GALNTL6: variants seen among roughly 807,000 people sequenced by gnomAD.
The protein encoded by GALNTL6 is polypeptide N-acetylgalactosaminyltransferase like 6, also known as polypeptide N-acetylgalactosaminyltransferase-like 6.
GALNTL6 carries 46 observed loss-of-function variants against 73.7 expected under a neutral mutation model. The observed-to-expected ratio is 0.62, with a 90% confidence interval of 0.49 to 0.80. The LOEUF (loss-of-function observed/expected upper bound fraction) is 0.80. Ranked by LOEUF, GALNTL6 falls within the 30% of genes least tolerant of loss-of-function variation. GALNTL6 has a pLI of 0.00. For synonymous variants in GALNTL6, 259 were observed against 263.7 expected (o/e 0.98, Z 0.17); for missense variants, 604 against 755.0 (o/e 0.80, Z 2.34).
intron 2 of GALNTL6, among the ~76,000 whole-genome samples, chr4:172,172,889 C>G (rs1476188753): frequency 3.3e-5 from 5 of 152,160 alleles, no homozygotes. Context: ...TTTTAATAAG[C>G]AATGTTGAAC....
chr4:172,826,326 C>T (rs988120988), intron 7 of GALNTL6, among the ~76,000 whole-genome samples: 20 of 152,222 alleles, frequency 1.3e-4, no homozygotes, highest in African/African-American at 3.1e-4. Flanking sequence ...GCAGCACCTG[C>T]GGACAGGCAG....
At chr4:172,339,932 A>G (rs949071527) in intron 4 of GALNTL6, among the ~76,000 whole-genome samples, 3 of 151,954 alleles carry the variant, frequency 2.0e-5, no homozygotes, top group Non-Finnish European at 4.4e-5. Flanking sequence ...ATCTTTATGC[A>G]CTGTTTTGCT....
intron 5 of GALNTL6, among the ~76,000 whole-genome samples, chr4:172,537,106 C>T (rs984268360): frequency 2.0e-5 from 3 of 152,186 alleles, no homozygotes; most frequent in African/African-American, 7.2e-5. Context: ...GTGGAAGGGA[C>T]TTGCCTCATC....
intron 5 of GALNTL6, among the ~76,000 whole-genome samples, chr4:172,701,501 A>G (rs1298535218): frequency 6.6e-6 from 1 of 152,120 alleles, no homozygotes; most frequent in African/African-American, 2.4e-5. Context: ...TCTTGCCATC[A>G]AGGCAGTCTT....
intron 5 of GALNTL6, among the ~76,000 whole-genome samples, chr4:172,749,071 T>C (rs140581121): frequency 1.2e-4 from 17 of 147,700 alleles, no homozygotes; most frequent in Middle Eastern, 6.8e-3. Flanking sequence ...ACCAGGCTAA[T>C]TTTTGTTGTT....
chr4:171,999,931 A>T (rs116540780), intron 2 of GALNTL6, among the ~76,000 whole-genome samples: 1,672 of 152,286 alleles, frequency 0.011, 23 homozygotes, highest in African/African-American at 0.036. Flanking sequence ...AAGAGATTGT[A>T]TTTTCATCAC....
chr4:172,476,063 A>G (rs912502775), intron 5 of GALNTL6, among the ~76,000 whole-genome samples: 1 of 152,240 alleles, frequency 6.6e-6, no homozygotes, highest in African/African-American at 2.4e-5. Context: ...GACTGCACCT[A>G]TCTGATATCC....
intron 3 of GALNTL6, among the ~76,000 whole-genome samples, chr4:172,236,150 AC>A (rs1260286265): frequency 6.6e-6 from 1 of 152,220 alleles, no homozygotes; most frequent in Non-Finnish European, 1.5e-5. Flanking sequence ...CCAGTGTTTC[AC>A]ATTGTATTTG....
rs1028819117 is a variant in GALNTL6, at chr4:173,023,671, CA to C, written c.1638+2055del. ...GAGCGAAACTCCATCCCAAAAAAAG[CA>C]AAAAAAAATCAGTTGTTATATCCTT... On this transcript the variant is annotated intron_variant, in intron 12 of 12. Transcript: ENST00000506823. Among the ~76,000 whole-genome samples, 28 of 148,578 alleles carry C rather than the reference CA, an allele frequency of 1.9e-4. 1 individual carries two copies. The highest frequency in any genetic ancestry group is 7.5e-5 in the Non-Finnish European group (5 of 66,974).
chr4:172,684,047 T>C (rs1372891215), intron 5 of GALNTL6, among the ~76,000 whole-genome samples: 1 of 152,204 alleles, frequency 6.6e-6, no homozygotes, highest in African/African-American at 2.4e-5. Flanking sequence ...CTATAAAGGA[T>C]AGATCGCTGT....
At chr4:173,016,227 A>G (rs973559177) in intron 11 of GALNTL6, among the ~76,000 whole-genome samples, 1 of 152,206 alleles carries the variant, frequency 6.6e-6, no homozygotes, top group Non-Finnish European at 1.5e-5. Flanking sequence ...CAGAAGGGAA[A>G]TGTGGGGTTG....
At chr4:172,022,752 C>G (rs1183369818) in intron 2 of GALNTL6, among the ~76,000 whole-genome samples, 6 of 152,040 alleles carry the variant, frequency 3.9e-5, no homozygotes, top group Middle Eastern at 3.4e-3. Flanking sequence ...TCTGACTCCT[C>G]TCATGTCTAG....
rs190363422 is a variant in GALNTL6, at chr4:172,783,015, A to G, written c.554-26346A>G. Among the ~76,000 whole-genome samples, 373 of 152,136 alleles carry G rather than the reference A, an allele frequency of 2.5e-3. 3 individuals are homozygous for G. Among genetic ancestry groups the G allele is most frequent in the African/African-American group, 8.7e-3 (362 of 41,510 alleles). On this transcript the variant is annotated intron_variant, in intron 5 of 12. Transcript: ENST00000506823. The stretch of plus-strand genomic sequence containing the variant: ...AGTTACAAATTAGTGGTGATCAGCT[A>G]AAGTGTGTCTTATTTGTAAAACACT...
chr4:172,227,637 C>T (rs950914159), intron 2 of GALNTL6, among the ~76,000 whole-genome samples: 2 of 152,178 alleles, frequency 1.3e-5, no homozygotes, highest in Admixed American at 1.3e-4. Flanking sequence ...ATACTTCCTT[C>T]CCAGCAGTTC....
intron 5 of GALNTL6, among the ~76,000 whole-genome samples, chr4:172,712,380 G>C (rs1026269443): frequency 6.6e-6 from 1 of 152,046 alleles, no homozygotes; most frequent in Non-Finnish European, 1.5e-5. Context: ...CCATGTTGGT[G>C]TGCTGCACCC....
intron 2 of GALNTL6, among the ~76,000 whole-genome samples, chr4:171,905,673 A>T (rs906922285): frequency 6.6e-6 from 1 of 150,444 alleles, no homozygotes; most frequent in Non-Finnish European, 1.5e-5. Flanking sequence ...TCTCCACCCC[A>T]ATTCAACAGA....
intron 3 of GALNTL6, among the ~76,000 whole-genome samples, chr4:172,303,261 G>C (rs1052845504): frequency 6.6e-6 from 1 of 152,124 alleles, no homozygotes; most frequent in African/African-American, 2.4e-5. Context: ...GCCTCCCAAA[G>C]TGCTGGGATT....
intron 3 of GALNTL6, among the ~76,000 whole-genome samples, chr4:172,287,962 C>G (rs1220599557): frequency 2.0e-5 from 3 of 152,092 alleles, no homozygotes; most frequent in Non-Finnish European, 4.4e-5. Flanking sequence ...CTGGTATAAC[C>G]TTGAAAGTGA....
intron 5 of GALNTL6, among the ~76,000 whole-genome samples, chr4:172,807,554 T>C (rs1741035661): frequency 1.3e-5 from 2 of 152,166 alleles, no homozygotes; most frequent in Non-Finnish European, 2.9e-5. Flanking sequence ...GTCCACCACA[T>C]TCTAGAAGGG....
Sources: allele counts gnomAD v4.1 joint callset (sites outside exome capture counted in the v4.1 genomes callset), GRCh38; gene constraint gnomAD v4.1.1; transcripts MANE v1.5; gene names NCBI Gene and HGNC (gene_info 2026-07-23, HGNC 2026-07-21).